Variants in PAPPA2 observed in about 807,000 individuals in gnomAD.
The protein encoded by PAPPA2 is pappalysin 2.
A neutral mutation model predicts 176.4 loss-of-function variants in PAPPA2; 86 were observed. That is an observed-to-expected ratio of 0.49 (90% CI 0.41 to 0.58). The LOEUF is 0.58. PAPPA2 is among the 20% of genes least tolerant of loss of function. PAPPA2 has a pLI of 0.00. For synonymous variants in PAPPA2, 809 were observed against 852.2 expected (o/e 0.95, Z 0.88); for missense variants, 2,073 against 2,256.9 (o/e 0.92, Z 1.65).
At chr1:176,529,219 G>A (rs962684948) in intron 1 of PAPPA2, among the ~76,000 whole-genome samples, 1 of 152,070 alleles carries the variant, frequency 6.6e-6, no homozygotes, top group African/African-American at 2.4e-5. Flanking sequence ...AGGAAAATCA[G>A]GTGGGAAAAA....
At chr1:176,690,571 G>A in intron 5 of PAPPA2, 141 bp downstream of exon 5, 1 of 1,429,304 alleles carries the variant, frequency 7.0e-7, no homozygotes, top group Non-Finnish European at 9.2e-7. Flanking sequence ...TTATTATAAG[G>A]TATTATTATT....
chr1:176,587,314 C>G (rs896324290), intron 2 of PAPPA2, among the ~76,000 whole-genome samples: 2 of 152,016 alleles, frequency 1.3e-5, no homozygotes, highest in African/African-American at 4.8e-5. Context: ...TTTGTTGATT[C>G]TGGTTTTTGT....
intron 3 of PAPPA2, among the ~76,000 whole-genome samples, chr1:176,663,823 C>G (rs1007988961): frequency 1.3e-5 from 2 of 152,028 alleles, no homozygotes; most frequent in Admixed American, 1.3e-4. Context: ...CTCAAGTTCT[C>G]CTGGGGACCT....
At chr1:176,589,913 C>G (rs1056616773) in intron 2 of PAPPA2, among the ~76,000 whole-genome samples, 23 of 152,142 alleles carry the variant, frequency 1.5e-4, no homozygotes, top group Non-Finnish European at 3.1e-4. Context: ...TCCTTTGAAA[C>G]AAACTTCATC....
chr1:176,756,613 T>A (rs1411090245), intron 14 of PAPPA2, among the ~76,000 whole-genome samples: 1 of 152,208 alleles, frequency 6.6e-6, no homozygotes, highest in East Asian at 1.9e-4. Flanking sequence ...GTTCTGAAAC[T>A]TGGTGAGACA....
intron 21 of PAPPA2, among the ~76,000 whole-genome samples, chr1:176,805,770 G>A (rs1487436205): frequency 3.9e-5 from 6 of 151,922 alleles, no homozygotes; most frequent in African/African-American, 7.3e-5. Flanking sequence ...ATCACTTGAG[G>A]TCTGGAGTTT....
chr1:176,690,286 C>T lies in PAPPA2; in HGVS notation c.2287C>T (p.Pro763Ser). 6.2e-7 allele frequency: 1 copy of T among 1,614,114 alleles called. No homozygotes were observed. Among genetic ancestry groups the T allele is most frequent in the Non-Finnish European group, 8.5e-7 (1 of 1,180,010 alleles). The change falls in exon 5 of 23, where the codon CCA becomes TCA. Residue 763 changes from proline to serine, a missense_variant. Around this residue, in one of 4 missense-constraint regions of PAPPA2, gnomAD observed 1,196 missense variants for 1,330.4 expected, o/e 0.90. Coordinates refer to ENST00000367662, the MANE Select transcript of PAPPA2 (RefSeq NM_020318.3). ...CAATGACCCCTGCAAGGAGACAGTG[C>T]CATCCATGGAAACGGGAGACCTCTG... ...SCNDPCKETV[P>S]SMETGDLCAD...
At chr1:176,674,671 C>T (rs78682878) in intron 4 of PAPPA2, among the ~76,000 whole-genome samples, 11,051 of 149,980 alleles carry the variant, frequency 0.074, 535 homozygotes, top group Non-Finnish European at 0.11. Flanking sequence ...GATTAATGGA[C>T]GTTTGGACTG....
rs1241034879 is a variant in PAPPA2 at position 176,730,462 on chromosome 1, T to C, written c.3799-9164T>C. The stretch of plus-strand genomic sequence containing the variant: ...TTTTAGCTGTAGTTGTTACATCCTT[T>C]CTTGTGTATATTTTTGAACCTTCTT... On this transcript the variant is annotated intron_variant, in intron 12 of 22. Transcript: ENST00000367662. 4.6e-5 allele frequency among the ~76,000 whole-genome samples: 7 copies of C among 152,102 alleles called. No homozygotes were observed. The East Asian group carries it at 1.3e-3, about 29-fold the overall frequency.
intron 21 of PAPPA2, among the ~76,000 whole-genome samples, chr1:176,816,156 A>ATG (rs1203155009): frequency 2.0e-5 from 1 of 48,850 alleles, no homozygotes; most frequent in African/African-American, 9.5e-5. Flanking sequence ...CACAGTGTAT[A>ATG]TATATATATA....
At chr1:176,484,138 T>C (rs1175533663) in intron 1 of PAPPA2, among the ~76,000 whole-genome samples, 1 of 152,226 alleles carries the variant, frequency 6.6e-6, no homozygotes, top group Non-Finnish European at 1.5e-5. Context: ...GCTTTGGCAC[T>C]TTTGTCTCAA....
chr1:176,835,181 G>C (rs1322669031), intron 21 of PAPPA2, among the ~76,000 whole-genome samples: 1 of 152,156 alleles, frequency 6.6e-6, no homozygotes, highest in Non-Finnish European at 1.5e-5. Context: ...TGGCATCGTA[G>C]AAAGAACAGA....
At chr1:176,517,627 T>A (rs1253208803) in intron 1 of PAPPA2, among the ~76,000 whole-genome samples, 1 of 151,948 alleles carries the variant, frequency 6.6e-6, no homozygotes. Flanking sequence ...TAAAAACAGG[T>A]GACTGTGAGG....
intron 2 of PAPPA2, among the ~76,000 whole-genome samples, chr1:176,589,266 A>G (rs1653508069): frequency 6.6e-6 from 1 of 152,190 alleles, no homozygotes; most frequent in South Asian, 2.1e-4. Flanking sequence ...AATTGACTCT[A>G]TCAATTCCAA....
chr1:176,636,692 A>G (rs1222645217), intron 3 of PAPPA2, among the ~76,000 whole-genome samples: 1 of 152,176 alleles, frequency 6.6e-6, no homozygotes, highest in East Asian at 1.9e-4. Context: ...ACAAAAATGT[A>G]TTTTTAAACA....
intron 5 of PAPPA2, chr1:176,690,774 C>A: frequency 9.2e-7 from 1 of 1,089,598 alleles, no homozygotes; most frequent in Non-Finnish European, 1.1e-6. Context: ...CATTCTTAGA[C>A]ATTTACTCTG....
intron 1 of PAPPA2, among the ~76,000 whole-genome samples, chr1:176,539,327 A>G (rs1349600496): frequency 6.6e-6 from 1 of 152,216 alleles, no homozygotes; most frequent in Non-Finnish European, 1.5e-5. Context: ...TTGAAGGCAC[A>G]TGAAGTGAAG....
chr1:176,647,880 C>G (rs755058266), intron 3 of PAPPA2, among the ~76,000 whole-genome samples: 3 of 151,468 alleles, frequency 2.0e-5, no homozygotes, highest in Non-Finnish European at 3.0e-5. Flanking sequence ...TATTTTGAGG[C>G]CTCCAGCTTT....
intron 21 of PAPPA2, among the ~76,000 whole-genome samples, chr1:176,812,784 A>G (rs1333142893): frequency 6.6e-6 from 1 of 150,750 alleles, no homozygotes; most frequent in East Asian, 1.9e-4. Flanking sequence ...TTTTTTTCTT[A>G]AACTATTATT....
Sources: allele counts gnomAD v4.1 joint callset (sites outside exome capture counted in the v4.1 genomes callset), GRCh38; gene constraint gnomAD v4.1.1; regional missense constraint gnomAD v4.1.1; transcripts MANE v1.5; gene names NCBI Gene and HGNC (gene_info 2026-07-23, HGNC 2026-07-21).